KAZN: variants seen among roughly 807,000 people sequenced by gnomAD.
KAZN encodes kazrin.
A neutral mutation model predicts 87.4 loss-of-function variants in KAZN; 40 were observed. That is an observed-to-expected ratio of 0.46 (90% confidence interval 0.36 to 0.60). KAZN has a LOEUF of 0.60. KAZN is among the 20% of genes least tolerant of loss of function. KAZN has a pLI of 0.00. For missense variants in KAZN, 898 were observed against 1,073.9 expected (o/e 0.84, Z 2.29); for synonymous variants, 466 against 458.3 (o/e 1.02, Z -0.22).
chr1:14,831,535 A>T (rs1358234358), intron 1 of KAZN, among the ~76,000 whole-genome samples: 1 of 151,984 alleles, frequency 6.6e-6, no homozygotes, highest in Non-Finnish European at 1.5e-5. Flanking sequence ...CTTTCCGTTC[A>T]GCAGTTTCTC....
rs1220374279 is a variant in KAZN, at chr1:14,820,443, C to T, written c.227-140241C>T. Among the ~76,000 whole-genome samples the T allele has an allele frequency of 6.6e-6, 1 of 152,240 alleles. No homozygotes were observed. Among genetic ancestry groups the T allele is most frequent in the Non-Finnish European group, 1.5e-5 (1 of 68,042 alleles). ...AGCAGCCATGGCAAATGGGATGTGT[C>T]CCACTGCCCCCGTTTGGTGCCACAG... On this transcript the variant is annotated intron_variant, in intron 1 of 14. Coordinates refer to ENST00000376030, the MANE Select transcript of KAZN (RefSeq NM_201628.3). The surrounding 1 kb of genome is among the most constrained non-coding windows in gnomAD (Gnocchi z 4.1).
intron 1 of KAZN, among the ~76,000 whole-genome samples, chr1:14,178,465 A>G (rs1485197016): frequency 6.6e-6 from 1 of 152,214 alleles, no homozygotes; most frequent in Non-Finnish European, 1.5e-5. Context: ...CTAATCTGCT[A>G]TTAATCTCAT....
At chr1:14,982,123 C>A (rs551956396) in intron 2 of KAZN, among the ~76,000 whole-genome samples, 1 of 152,136 alleles carries the variant, frequency 6.6e-6, no homozygotes, top group African/African-American at 2.4e-5. Context: ...GTTATCATGC[C>A]GACTTTACAG....
At chr1:14,238,346 G>A (rs1475421486) in intron 2 of KAZN, among the ~76,000 whole-genome samples, 1 of 152,180 alleles carries the variant, frequency 6.6e-6, no homozygotes, top group Non-Finnish European at 1.5e-5. Context: ...AAAGAAACAT[G>A]TGAGACCCAC....
Position 14,436,734 on chromosome 1 carries a change from A to AAAAAC in KAZN, c.250-162248_250-162244dup. On this transcript the variant is annotated intron_variant, in intron 2 of 16. Transcript: ENST00000636203. The stretch of plus-strand genomic sequence containing the variant: ...CTCTGTCTCAAAAAAAAAAAAAAAA[A>AAAAAC]AAAACCTTAAAACAATCCTGAGAGG... Among the ~76,000 whole-genome samples, 6 of 137,406 alleles carry AAAAAC rather than the reference A, an allele frequency of 4.4e-5. 1 individual carries two copies. In the East Asian group the frequency reaches 1.3e-3, roughly 30 times the overall value. The allele number at this position is 137,406 out of a possible 152,430, so 90.1% of individuals were successfully genotyped here. A position where few individuals can be genotyped will look rare whatever the true frequency, so the allele number is the denominator to read the frequency against.
At chr1:14,743,265 A>G (rs978458146) in intron 1 of KAZN, among the ~76,000 whole-genome samples, 1 of 151,926 alleles carries the variant, frequency 6.6e-6, no homozygotes, top group East Asian at 1.9e-4. Context: ...AACTGTCTCA[A>G]CTAAAAATAC....
chr1:15,047,185 G>A (rs1267560309), intron 4 of KAZN, among the ~76,000 whole-genome samples: 1 of 152,222 alleles, frequency 6.6e-6, no homozygotes, highest in Non-Finnish European at 1.5e-5. Flanking sequence ...GAGAGAAGGG[G>A]CTTCACGAGG....
intron 2 of KAZN, among the ~76,000 whole-genome samples, chr1:14,205,884 C>CAAAAAA (rs70997121): frequency 0.028 from 981 of 35,194 alleles, 354 homozygotes; most frequent in East Asian, 0.13. Context: ...GACACTGTCT[C>CAAAAAA]AAAAAAAAAA....
chr1:14,781,182 C>T (rs1312203590), intron 1 of KAZN, among the ~76,000 whole-genome samples: 1 of 152,162 alleles, frequency 6.6e-6, no homozygotes, highest in African/African-American at 2.4e-5. Flanking sequence ...ATTAGCCGGG[C>T]ATGGTGGCAG....
chr1:14,325,865 C>T (rs1656372295), intron 2 of KAZN, among the ~76,000 whole-genome samples: 2 of 152,142 alleles, frequency 1.3e-5, no homozygotes, highest in South Asian at 4.1e-4. Context: ...TAAGTCTCCT[C>T]CAACTACCCC....
chr1:13,897,582 C>G (rs1420082457), intron 1 of KAZN, among the ~76,000 whole-genome samples: 1 of 152,132 alleles, frequency 6.6e-6, no homozygotes, highest in African/African-American at 2.4e-5. Context: ...ATCTATAGCA[C>G]CTGTGCTAGA....
At chr1:14,001,826 C>CTTA (rs1289948974) in intron 1 of KAZN, among the ~76,000 whole-genome samples, 2 of 152,142 alleles carry the variant, frequency 1.3e-5, no homozygotes, top group East Asian at 3.9e-4. Flanking sequence ...GGACCCCTTC[C>CTTA]TTATACCTTA....
At chr1:14,722,657 T>G (rs1643178082) in intron 1 of KAZN, among the ~76,000 whole-genome samples, 1 of 152,190 alleles carries the variant, frequency 6.6e-6, no homozygotes, top group Admixed American at 6.5e-5. Flanking sequence ...TACTTTTGAT[T>G]GTGGAGAATT....
chr1:14,715,169 G>A (rs1347273155), intron 1 of KAZN, among the ~76,000 whole-genome samples: 4 of 152,082 alleles, frequency 2.6e-5, no homozygotes, highest in Non-Finnish European at 5.9e-5. Context: ...TGGACTCAAG[G>A]GATCCTCCCA....
At chr1:14,431,938 C>T (rs944254767) in intron 2 of KAZN, among the ~76,000 whole-genome samples, 1 of 152,194 alleles carries the variant, frequency 6.6e-6, no homozygotes, top group East Asian at 1.9e-4. Flanking sequence ...ATCATGTGAA[C>T]CAATTCTCCC....
chr1:14,173,726 G>A (rs1393326865), intron 1 of KAZN, among the ~76,000 whole-genome samples: 1 of 149,678 alleles, frequency 6.7e-6, no homozygotes, highest in Non-Finnish European at 1.5e-5. Flanking sequence ...ATTGTCCTGA[G>A]ATTAAACCTG....
intron 1 of KAZN, among the ~76,000 whole-genome samples, chr1:14,159,079 C>G (rs1645655593): frequency 6.6e-6 from 1 of 152,120 alleles, no homozygotes; most frequent in Non-Finnish European, 1.5e-5. Context: ...CACTGGATCT[C>G]ACTCAAGGCC....
At chr1:14,080,246 G>A (rs12037685) in intron 1 of KAZN, among the ~76,000 whole-genome samples, 15,815 of 145,486 alleles carry the variant, frequency 0.11, 1,213 homozygotes, top group East Asian at 0.52. Context: ...TTGAAGAGGT[G>A]GCTTAGAGCT....
At chr1:14,595,084 C>T (rs1287728496), upstream of KAZN, among the ~76,000 whole-genome samples, 1 of 151,796 alleles carries the variant, frequency 6.6e-6, no homozygotes, top group Non-Finnish European at 1.5e-5. Flanking sequence ...GCAGAGGTTG[C>T]AGTGAGCCAA....
Sources: allele counts gnomAD v4.1 joint callset (sites outside exome capture counted in the v4.1 genomes callset), GRCh38; gene constraint gnomAD v4.1.1; non-coding constraint Gnocchi (gnomAD v3.1); transcripts MANE v1.5; gene names NCBI Gene and HGNC (gene_info 2026-07-23, HGNC 2026-07-21).